The following PLEKHA8 variants were observed in gnomAD, a reference collection of about 807,000 sequenced individuals.
The protein encoded by PLEKHA8 is pleckstrin homology domain-containing family A member 8.
Under a neutral mutation model 68.2 loss-of-function variants are expected in PLEKHA8, and 36 were observed. The ratio of observed to expected loss-of-function variants is 0.53; its 90% CI spans 0.40 to 0.70. The LOEUF is 0.70. Ranked by LOEUF, PLEKHA8 falls within the 30% of genes least tolerant of loss-of-function variation. The pLI, the probability that PLEKHA8 is intolerant of heterozygous loss-of-function variation, is 0.00. For missense variants in PLEKHA8, 505 were observed against 615.4 expected (o/e 0.82, Z 1.90); for synonymous variants, 211 against 216.1 (o/e 0.98, Z 0.20).
intron 13 of PLEKHA8, among the ~76,000 whole-genome samples, chr7:30,108,083 A>AAAAAAAAAAAAAAAAAAC (rs780069387): frequency 2.8e-5 from 4 of 144,460 alleles, no homozygotes; most frequent in Non-Finnish European, 6.1e-5. Context: ...AAAAAAAAAA[A>AAAAAAAAAAAAAAAAAAC]AAAAAAAAAC....
intron 1 of PLEKHA8, among the ~76,000 whole-genome samples, chr7:30,043,908 G>T (rs1791737507): frequency 6.6e-6 from 1 of 152,104 alleles, no homozygotes; most frequent in Admixed American, 6.5e-5. Context: ...GGCTTCCTTA[G>T]CCATGGCAGT....
In PLEKHA8 at chr7:30,028,820, G is replaced by A; in HGVS notation, c.40+18G>A. On this transcript the variant is annotated intron_variant, in intron 1 of 13. Coordinates refer to ENST00000449726, the MANE Select transcript of PLEKHA8 (RefSeq NM_001197026.2). ...TCTGAGCGGTGAGTGGCCGTGCCGG[G>A]CCGGGGGCGCGCCGGGGGCCGGTCC... is the stretch of plus-strand genomic sequence containing the variant. The A allele has an allele frequency of 7.9e-7, 1 of 1,261,116 alleles. No individual in the cohort carries two copies. The highest frequency in any genetic ancestry group is 1.0e-6 in the Non-Finnish European group (1 of 997,576). The allele number at this position is 1,261,116 out of a possible 1,614,324, so 78.1% of individuals were successfully genotyped here. A position where few individuals can be genotyped will look rare whatever the true frequency, so the allele number is the denominator to read the frequency against.
intron 11 of PLEKHA8, 50 bp downstream of exon 11, chr7:30,062,077 T>G: frequency 1.9e-6 from 3 of 1,564,920 alleles, no homozygotes; most frequent in South Asian, 1.2e-5. Context: ...CAAAAAAAAT[T>G]ACCAGCAAAA....
chr7:30,107,762 G>A (rs1292507782), intron 13 of PLEKHA8, among the ~76,000 whole-genome samples: 1 of 151,662 alleles, frequency 6.6e-6, no homozygotes, highest in Admixed American at 6.6e-5. Context: ...ATGAAGCAAT[G>A]TTTAATATTA....
intron 13 of PLEKHA8, among the ~76,000 whole-genome samples, chr7:30,124,162 C>T: frequency 6.6e-6 from 1 of 152,062 alleles, no homozygotes; most frequent in Middle Eastern, 3.2e-3. Flanking sequence ...AGTAGATGGG[C>T]TTTTTTCGTT....
At chr7:30,063,395 A>T (rs763081674) in intron 12 of PLEKHA8, among the ~76,000 whole-genome samples, 3 of 152,220 alleles carry the variant, frequency 2.0e-5, no homozygotes, top group Non-Finnish European at 2.9e-5. Context: ...AAATGTTGAG[A>T]TTGGGGAGCA....
chr7:30,049,298 G>T lies in PLEKHA8; in HGVS notation c.513G>T (p.Gln171His). The T allele has an allele frequency of 6.2e-7, 1 of 1,614,090 alleles. No homozygotes were observed. Among genetic ancestry groups the T allele is most frequent in the Non-Finnish European group, 8.5e-7 (1 of 1,180,020 alleles). The change falls in exon 5 of 14, where the codon CAG (glutamine) becomes CAT (histidine). Residue 171 changes from glutamine to histidine, a missense_variant. Coordinates refer to ENST00000449726, the MANE Select transcript of PLEKHA8 (RefSeq NM_001197026.2). ...TFLKTLEECM[Q>H]IANAAFTSEL... The stretch of plus-strand genomic sequence containing the variant: ...TGAAGACCTTGGAAGAATGCATGCA[G>T]ATCGCAAATGCAGCCTTCACCTCTG...
intron 9 of PLEKHA8, among the ~76,000 whole-genome samples, chr7:30,056,408 A>T (rs13239761): frequency 1.4e-5 from 2 of 143,476 alleles, no homozygotes; most frequent in Non-Finnish European, 3.0e-5. Context: ...ACATATATAT[A>T]ACATACATAT....
chr7:30,037,559 T>C (rs1413967440), intron 1 of PLEKHA8, among the ~76,000 whole-genome samples: 2 of 152,214 alleles, frequency 1.3e-5, no homozygotes, highest in Non-Finnish European at 2.9e-5. Context: ...AGCTGAAATT[T>C]TGTAGAAAAG....
At chr7:30,104,897 AT>A (rs901081891) in intron 13 of PLEKHA8, among the ~76,000 whole-genome samples, 3 of 151,608 alleles carry the variant, frequency 2.0e-5, no homozygotes. Flanking sequence ...TAATTTTTGC[AT>A]TTTTAGTAGA....
At chr7:30,097,661 G>A (rs573278266) in intron 13 of PLEKHA8, among the ~76,000 whole-genome samples, 20 of 152,272 alleles carry the variant, frequency 1.3e-4, no homozygotes, top group East Asian at 3.9e-4. Flanking sequence ...TTCTCGTGCC[G>A]TGGTTTTCAG....
At chr7:30,095,155 G>C (rs1795561027), downstream of PLEKHA8, among the ~76,000 whole-genome samples, 1 of 152,194 alleles carries the variant, frequency 6.6e-6, no homozygotes, top group South Asian at 2.1e-4. Flanking sequence ...GTGTAAAAGT[G>C]TTCCATTTCT....
chr7:30,115,587 T>C (rs531270134), intron 13 of PLEKHA8, among the ~76,000 whole-genome samples: 9 of 121,976 alleles, frequency 7.4e-5, no homozygotes, highest in African/African-American at 2.1e-4. Flanking sequence ...CACGTATACA[T>C]GTAGACATGT....
rs767923073 is a variant in PLEKHA8, at chr7:30,078,980, A to G, written c.*193A>G. On this transcript the variant is annotated 3_prime_UTR_variant, in exon 14 of 14. Transcript: ENST00000449726. ...TTTTGTTTAAAGATCAAGGTGCTAT[A>G]TATTTCAGTTCAGCAGGCCTACTGG... The G allele has an allele frequency of 2.3e-5, 31 of 1,374,820 alleles. No individual in the cohort carries two copies. Among genetic ancestry groups the G allele is most frequent in the Non-Finnish European group, 2.9e-5 (31 of 1,067,052 alleles). The allele number at this position is 1,374,820 out of a possible 1,614,324, so 85.2% of individuals were successfully genotyped here.
chr7:30,030,977 A>G (rs1324142766), intron 1 of PLEKHA8, among the ~76,000 whole-genome samples: 1 of 152,084 alleles, frequency 6.6e-6, no homozygotes, highest in Non-Finnish European at 1.5e-5. Flanking sequence ...TTCATTCTGA[A>G]TTTTTCTCCA....
chr7:30,067,665 T>C (rs1793951023), intron 12 of PLEKHA8, among the ~76,000 whole-genome samples: 1 of 146,446 alleles, frequency 6.8e-6, no homozygotes, highest in Non-Finnish European at 1.5e-5. Flanking sequence ...TTGCTATATA[T>C]TTATGTGTCC....
chr7:30,118,043 G>T (rs1279571210), intron 13 of PLEKHA8: 2 of 1,507,152 alleles, frequency 1.3e-6, no homozygotes, highest in East Asian at 5.1e-5. Context: ...TGGCCTGCAG[G>T]ACATGATGAC....
chr7:30,080,606 G>C lies in PLEKHA8; in HGVS notation c.*1819G>C. 1.0e-6 allele frequency: 1 copy of C among 985,338 alleles called. No individual in the cohort carries two copies. Among genetic ancestry groups the C allele is most frequent in the Non-Finnish European group, 1.2e-6 (1 of 829,880 alleles). The allele number at this position is 985,338 out of a possible 1,614,324, so 61.0% of individuals were successfully genotyped here. On this transcript the variant is annotated 3_prime_UTR_variant, in exon 14 of 14. Transcript: ENST00000449726. Reference sequence around the variant, plus strand: ...TAATTAGGTATTTTGCCCACATAAAGACTTCTGGAAAATACTTAAACTTGA... The same window carrying C: ...TAATTAGGTATTTTGCCCACATAAACACTTCTGGAAAATACTTAAACTTGA...
chr7:30,057,078 T>A (rs1275869268), intron 9 of PLEKHA8, among the ~76,000 whole-genome samples: 1 of 151,952 alleles, frequency 6.6e-6, no homozygotes, highest in Non-Finnish European at 1.5e-5. Context: ...AATTGAGGTA[T>A]AACTTGCGTA....
Sources: gnomAD v4.1 joint callset for allele counts (sites outside exome capture counted in the v4.1 genomes callset) on GRCh38, gnomAD v4.1.1 for gene constraint, MANE v1.5 for transcripts, NCBI Gene and HGNC (gene_info 2026-07-23, HGNC 2026-07-21) for gene names.